SPIRE2: variants seen among roughly 807,000 people sequenced by gnomAD.
SPIRE2 encodes protein spire homolog 2.
A neutral mutation model predicts 80.7 loss-of-function variants in SPIRE2; 76 were observed. The ratio of observed to expected loss-of-function variants is 0.94; its 90% CI spans 0.78 to 1.14. SPIRE2 has a LOEUF of 1.14. Among genes scored for constraint, SPIRE2 ranks in the 50% most tolerant of loss-of-function variants. The pLI is 0.00. For missense variants in SPIRE2, 1,196 were observed against 1,015.3 expected (o/e 1.18, Z -2.42); for synonymous variants, 535 against 432.6 (o/e 1.24, Z -2.94).
chr16:89,839,285 A>G (rs2041480681), intron 1 of SPIRE2, among the ~76,000 whole-genome samples: 1 of 151,400 alleles, frequency 6.6e-6, no homozygotes. Context: ...GAGGCAGGAG[A>G]ATGGCATGAA....
At chr16:89,854,458 G>A (rs1397869441) in intron 4 of SPIRE2, 29 bp from the exon 5 acceptor site, 8 of 1,611,204 alleles carry the variant, frequency 5.0e-6, no homozygotes, top group East Asian at 2.2e-5. Flanking sequence ...ACCTGGGGCT[G>A]AGACCCATTC....
intron 10 of SPIRE2, chr16:89,862,779 T>C (rs1293373515): frequency 6.6e-6 from 1 of 152,444 alleles, no homozygotes; most frequent in Non-Finnish European, 1.5e-5. Flanking sequence ...TCCAACTCCA[T>C]CTCTGTGGCA....
At chr16:89,834,688 G>A (rs1194246682) in intron 1 of SPIRE2, among the ~76,000 whole-genome samples, 5 of 118,390 alleles carry the variant, frequency 4.2e-5, no homozygotes, top group African/African-American at 9.3e-5. Context: ...CCGCACTCGC[G>A]GTTGGCCGTC....
chr16:89,845,140 G>A (rs1024552316), intron 1 of SPIRE2, among the ~76,000 whole-genome samples, 182 bp from the exon 2 acceptor site: 2 of 152,160 alleles, frequency 1.3e-5, no homozygotes, highest in South Asian at 2.1e-4. Context: ...GAGCCAGCTC[G>A]AGCCGGGCCT....
intron 3 of SPIRE2, among the ~76,000 whole-genome samples, chr16:89,851,063 C>T (rs1234006946): frequency 6.6e-6 from 1 of 152,024 alleles, no homozygotes; most frequent in African/African-American, 2.4e-5. Flanking sequence ...TCAGGTGATC[C>T]ATCTGCGTCG....
intron 12 of SPIRE2, among the ~76,000 whole-genome samples, chr16:89,866,279 TTC>T (rs2041788242): frequency 6.6e-6 from 1 of 152,142 alleles, no homozygotes; most frequent in African/African-American, 2.4e-5. Context: ...TACATTTTAA[TTC>T]TCTCATGTTT....
In SPIRE2 at chr16:89,870,386, C is replaced by T. The variant is rs1184500890; in HGVS notation, c.*114C>T. On this transcript the variant is annotated 3_prime_UTR_variant, in exon 15 of 15. Coordinates refer to ENST00000378247, the MANE Select transcript of SPIRE2 (RefSeq NM_032451.2). ...TATATAGATACATTTATAATATATA[C>T]ACACAGTCTATATATTTATATACAC... The T allele has an allele frequency of 3.3e-5, 21 of 644,792 alleles. No homozygotes were observed. In the East Asian group the frequency reaches 5.5e-4, roughly 17 times the overall value. 39.9% of individuals were successfully genotyped at this position (644,792 alleles called of 1,614,324 possible). A position where few individuals can be genotyped will look rare whatever the true frequency, so the allele number is the denominator to read the frequency against.
Position 89,828,566 on chromosome 16 carries a change from A to G in SPIRE2, c.16A>G (p.Ser6Gly). ...CGGCCCCGCCATGGCCCGGGCGGGC[A>G]GCTGCGGCGGCGCCGCGGCGGGCGC... MARAGSCGGAAAGAGR... is the reference protein window; with the variant it reads MARAGGCGGAAAGAGR... Residue 6 changes from serine to glycine, a missense_variant, in exon 1 of 15, where the codon AGC (serine) becomes GGC (glycine). By Grantham distance (56) the Ser-to-Gly change is moderately conservative. Coordinates refer to ENST00000378247, the MANE Select transcript of SPIRE2 (RefSeq NM_032451.2). This position sits in a 1 kb window ranked among gnomAD's most constrained non-coding sequence, Gnocchi z 5.9. 8.7e-7 allele frequency: 1 copy of G among 1,145,144 alleles called. No homozygotes were observed. 70.9% of individuals were successfully genotyped at this position (1,145,144 alleles called of 1,614,324 possible). A position where few individuals can be genotyped will look rare whatever the true frequency, so the allele number is the denominator to read the frequency against.
chr16:89,836,258 A>C (rs1337523177), intron 1 of SPIRE2: 1 of 455,900 alleles, frequency 2.2e-6, no homozygotes, highest in African/African-American at 2.0e-5. Context: ...GTCAGGGGTC[A>C]GCACCTGGAC....
At chr16:89,830,160 T>A (rs905131022) in intron 1 of SPIRE2, among the ~76,000 whole-genome samples, 3 of 151,258 alleles carry the variant, frequency 2.0e-5, no homozygotes, top group African/African-American at 7.3e-5. Flanking sequence ...GCCTGCTTCC[T>A]GTTGGTGCTG....
chr16:89,866,494 CCA>C (rs2041789968), intron 12 of SPIRE2, among the ~76,000 whole-genome samples: 1 of 152,086 alleles, frequency 6.6e-6, no homozygotes, highest in Non-Finnish European at 1.5e-5. Context: ...TGGGGTTTCT[CCA>C]TGTTGGTCAG....
intron 12 of SPIRE2, among the ~76,000 whole-genome samples, chr16:89,865,265 C>CA (rs2041779478): frequency 6.6e-6 from 1 of 152,130 alleles, no homozygotes. Flanking sequence ...CTCTGCCTCC[C>CA]AAAGTGTTGG....
rs749483156 is a variant in SPIRE2 at position 89,859,372 on chromosome 16, C to T, written c.1462+18C>T. 5.5e-6 allele frequency: 8 copies of T among 1,465,910 alleles called. No homozygotes were observed. Among genetic ancestry groups the T allele is most frequent in the African/African-American group, 1.4e-5 (1 of 70,360 alleles). The allele number at this position is 1,465,910 out of a possible 1,614,324, so 90.8% of individuals were successfully genotyped here. A position where few individuals can be genotyped will look rare whatever the true frequency, so the allele number is the denominator to read the frequency against. ...AGACCAGGGCAAGTGCTGCTTCTCA[C>T]CCCCGTACCCTCCTTCGCCCCCACC... On this transcript the variant is annotated intron_variant, in intron 9 of 14. Coordinates refer to ENST00000378247, the MANE Select transcript of SPIRE2 (RefSeq NM_032451.2).
At chr16:89,861,490 A>C (rs1213447376) in intron 10 of SPIRE2, among the ~76,000 whole-genome samples, 1 of 152,214 alleles carries the variant, frequency 6.6e-6, no homozygotes, top group Non-Finnish European at 1.5e-5. Context: ...CTGCCCTGTT[A>C]GCCTAGGTCG....
intron 1 of SPIRE2, among the ~76,000 whole-genome samples, chr16:89,843,439 G>C (rs1176099539): frequency 1.3e-5 from 2 of 151,904 alleles, no homozygotes; most frequent in African/African-American, 2.4e-5. Flanking sequence ...TTCTCTAAGA[G>C]GCATAAACAG....
chr16:89,829,721 C>T (rs569039895), intron 1 of SPIRE2, among the ~76,000 whole-genome samples: 54 of 151,824 alleles, frequency 3.6e-4, no homozygotes, highest in African/African-American at 1.2e-3. Context: ...GAGCCCCCCC[C>T]TCAGCTGCCT....
chr16:89,858,675 C>A (rs577644895), intron 8 of SPIRE2, among the ~76,000 whole-genome samples, 168 bp downstream of exon 8: 1 of 152,196 alleles, frequency 6.6e-6, no homozygotes, highest in Non-Finnish European at 1.5e-5. Flanking sequence ...CTGTGGGGAT[C>A]GGGGACCCTG....
chr16:89,867,191 C>G (rs551310991), intron 12 of SPIRE2, among the ~76,000 whole-genome samples: 2 of 152,170 alleles, frequency 1.3e-5, no homozygotes, highest in Non-Finnish European at 2.9e-5. Flanking sequence ...GTCACCCAGG[C>G]TGCGGTGCAG....
chr16:89,851,365 G>C (rs924045117), intron 3 of SPIRE2, among the ~76,000 whole-genome samples: 2 of 152,148 alleles, frequency 1.3e-5, no homozygotes, highest in African/African-American at 2.4e-5. Context: ...GAGGCTCAGC[G>C]ACTTGCTTGG....
Sources: gnomAD v4.1 joint callset for allele counts (sites outside exome capture counted in the v4.1 genomes callset) on GRCh38, gnomAD v4.1.1 for gene constraint, Gnocchi (gnomAD v3.1) non-coding constraint, MANE v1.5 for transcripts, NCBI Gene and HGNC (gene_info 2026-07-23, HGNC 2026-07-21) for gene names.